Variants in STXBP5L observed in about 807,000 individuals in gnomAD.
STXBP5L encodes the protein syntaxin-binding protein 5-like.
A neutral mutation model predicts 144.5 loss-of-function variants in STXBP5L; 65 were observed. The ratio of observed to expected loss-of-function variants is 0.45; its 90% CI spans 0.37 to 0.55. STXBP5L has a LOEUF of 0.55. Among genes scored for constraint, STXBP5L ranks in the 20% least tolerant of loss-of-function variants. STXBP5L has a pLI of 0.00. For missense variants in STXBP5L, 1,298 were observed against 1,405.5 expected, an observed-to-expected ratio of 0.92 and a Z score of 1.22; for synonymous variants, 505 against 469.6, an observed-to-expected ratio of 1.08 and a Z score of -0.97.
intron 19 of STXBP5L, among the ~76,000 whole-genome samples, chr3:121,298,285 T>G (rs1443317768): frequency 1.3e-5 from 2 of 152,252 alleles, no homozygotes; most frequent in African/African-American, 2.4e-5. Context: ...ATATAACTGT[T>G]GGCTATTTGT....
intron 10 of STXBP5L, among the ~76,000 whole-genome samples, chr3:121,214,199 CTA>C (rs1403607582): frequency 6.6e-6 from 1 of 152,140 alleles, no homozygotes; most frequent in Admixed American, 6.5e-5. Context: ...TTTCATGTCT[CTA>C]TCTCCTTCAG....
At chr3:121,324,708 T>C (rs560249814) in intron 20 of STXBP5L, 21 of 549,026 alleles carry the variant, frequency 3.8e-5, no homozygotes, top group African/African-American at 1.3e-4. Flanking sequence ...AAGTCCTTCA[T>C]GGTGTATGAA....
At chr3:120,976,940 T>C (rs1481998399) in intron 3 of STXBP5L, among the ~76,000 whole-genome samples, 5 of 152,096 alleles carry the variant, frequency 3.3e-5, no homozygotes, top group Non-Finnish European at 5.9e-5. Context: ...TCTTTTACAT[T>C]TGCTGAGGAG....
intron 9 of STXBP5L, among the ~76,000 whole-genome samples, chr3:121,162,166 G>T (rs897820891): frequency 1.3e-5 from 2 of 152,090 alleles, no homozygotes; most frequent in Non-Finnish European, 2.9e-5. Context: ...GAACATACAA[G>T]AGAAAACTTG....
At chr3:121,010,397 C>T (rs186044331) in intron 3 of STXBP5L, among the ~76,000 whole-genome samples, 32 of 151,704 alleles carry the variant, frequency 2.1e-4, no homozygotes, top group Admixed American at 1.3e-3. Context: ...TTAATTTTCC[C>T]TTTGGTGTCT....
chr3:121,206,045 C>CA lies in STXBP5L; in HGVS notation c.956+50dup, dbSNP rs779387656. ...GGGAAAGAGGGATACGAAGCAGAGA[C>CA]AAAAAATGCAGATGACCTTTAATGT... is the stretch of plus-strand genomic sequence containing the variant. On this transcript the variant is annotated intron_variant, in intron 10 of 26. Coordinates refer to ENST00000471454, the MANE Select transcript of STXBP5L (RefSeq NM_001308330.2). The CA allele has an allele frequency of 2.3e-4, 274 of 1,181,834 alleles. 3 individuals are homozygous for CA. The South Asian group carries it at 4.7e-3, about 20-fold the overall frequency. 73.2% of individuals were successfully genotyped at this position (1,181,834 alleles called of 1,614,324 possible).
chr3:121,307,708 A>G (rs890761553), intron 19 of STXBP5L, among the ~76,000 whole-genome samples: 1 of 152,164 alleles, frequency 6.6e-6, no homozygotes, highest in Non-Finnish European at 1.5e-5. Context: ...ACATATACAT[A>G]ATAGGATTAG....
intron 9 of STXBP5L, among the ~76,000 whole-genome samples, chr3:121,203,447 G>A (rs1340918283): frequency 6.6e-6 from 1 of 151,976 alleles, no homozygotes; most frequent in East Asian, 1.9e-4. Flanking sequence ...TTTTAATACA[G>A]TGAATTTTAA....
intron 9 of STXBP5L, among the ~76,000 whole-genome samples, chr3:121,175,506 G>A (rs949449644): frequency 1.4e-4 from 21 of 152,110 alleles, no homozygotes; most frequent in African/African-American, 5.1e-4. Flanking sequence ...CAAGCATGCT[G>A]ATACATTTTA....
At chr3:121,038,696 A>T (rs1294840363) in intron 3 of STXBP5L, among the ~76,000 whole-genome samples, 2 of 151,216 alleles carry the variant, frequency 1.3e-5, no homozygotes, top group Admixed American at 6.6e-5. Context: ...GGTGCTAAAA[A>T]CTCGAACTAT....
At chr3:121,053,095 A>T (rs1359635861) in intron 5 of STXBP5L, among the ~76,000 whole-genome samples, 1 of 152,218 alleles carries the variant, frequency 6.6e-6, no homozygotes, top group Non-Finnish European at 1.5e-5. Flanking sequence ...GAAATAGAGG[A>T]TACAAACAAA....
chr3:121,375,844 G>T (rs1033761681), intron 20 of STXBP5L, among the ~76,000 whole-genome samples: 1 of 152,082 alleles, frequency 6.6e-6, no homozygotes, highest in Non-Finnish European at 1.5e-5. Context: ...ATTTTTCTCT[G>T]TGGCACTCTA....
intron 11 of STXBP5L, among the ~76,000 whole-genome samples, chr3:121,226,092 G>A (rs919137141): frequency 2.0e-5 from 3 of 152,188 alleles, no homozygotes; most frequent in Non-Finnish European, 4.4e-5. Context: ...GGTCCATGAA[G>A]CCACGAAATG....
chr3:121,284,936 A>G (rs2051179630), intron 19 of STXBP5L, among the ~76,000 whole-genome samples: 1 of 152,140 alleles, frequency 6.6e-6, no homozygotes, highest in South Asian at 2.1e-4. Flanking sequence ...TTGATTCTTT[A>G]ACCACTCAAA....
At chr3:121,301,210 T>C (rs2051889009) in intron 19 of STXBP5L, among the ~76,000 whole-genome samples, 2 of 152,216 alleles carry the variant, frequency 1.3e-5, no homozygotes, top group East Asian at 1.9e-4. Context: ...GTTTGTATCC[T>C]CCTTTATTTC....
At chr3:121,186,698 G>A (rs7428468) in intron 9 of STXBP5L, among the ~76,000 whole-genome samples, 15,110 of 152,192 alleles carry the variant, frequency 0.099, 1,184 homozygotes, top group Admixed American at 0.2. Context: ...CGGTTTGCCA[G>A]TATTTTACTG....
chr3:121,078,740 G>GCA (rs2042131178), intron 5 of STXBP5L, among the ~76,000 whole-genome samples: 1 of 152,246 alleles, frequency 6.6e-6, no homozygotes, highest in Admixed American at 6.5e-5. Context: ...CAAGTGCAAT[G>GCA]CCAGTGGGCC....
intron 2 of STXBP5L, among the ~76,000 whole-genome samples, chr3:120,942,124 A>G (rs969944590): frequency 2.0e-5 from 3 of 151,734 alleles, no homozygotes; most frequent in African/African-American, 7.2e-5. Context: ...ATCGCTGTGT[A>G]TAAATAATTT....
rs555752859 is a variant in STXBP5L, at chr3:121,016,623, C to T, written c.288-25077C>T. Among the ~76,000 whole-genome samples the T allele has an allele frequency of 2.6e-5, 4 of 152,152 alleles. No homozygotes were observed. The East Asian group carries it at 7.7e-4, about 29-fold the overall frequency. ...ATATCCAATAACTGTGTGACAGTTT[C>T]AAAAGGTGTAACATAGATGTGCGTT... On this transcript the variant is annotated intron_variant, in intron 3 of 26. Coordinates refer to ENST00000471454, the MANE Select transcript of STXBP5L (RefSeq NM_001308330.2).
Sources: gnomAD v4.1 joint callset for allele counts (sites outside exome capture counted in the v4.1 genomes callset) on GRCh38, gnomAD v4.1.1 for gene constraint, MANE v1.5 for transcripts, NCBI Gene and HGNC (gene_info 2026-07-23, HGNC 2026-07-21) for gene names.